Variants in CCDC88C observed in about 807,000 individuals in gnomAD.
CCDC88C encodes the protein protein Daple.
CCDC88C carries 131 observed loss-of-function variants against 198.8 expected under a neutral mutation model. The observed-to-expected ratio is 0.66, with a 90% CI of 0.57 to 0.76. CCDC88C has a LOEUF of 0.76. Among genes scored for constraint, CCDC88C ranks in the 30% least tolerant of loss-of-function variants. The pLI is 0.00. For missense variants in CCDC88C, 2,553 were observed against 2,631.6 expected, an observed-to-expected ratio of 0.97 and a Z score of 0.65; for synonymous variants, 1,166 against 1,114.7, an observed-to-expected ratio of 1.05 and a Z score of -0.92.
At chr14:91,283,966 G>A (rs1458585096) in intron 25 of CCDC88C, among the ~76,000 whole-genome samples, 1 of 152,214 alleles carries the variant, frequency 6.6e-6, no homozygotes, top group Non-Finnish European at 1.5e-5. Flanking sequence ...TCAAATAGAA[G>A]TTTATTGCTA....
intron 21 of CCDC88C, among the ~76,000 whole-genome samples, 180 bp from the exon 22 acceptor site, chr14:91,297,671 T>C (rs1006189419): frequency 2.6e-5 from 4 of 151,844 alleles, no homozygotes; most frequent in East Asian, 1.9e-4. Flanking sequence ...TGGACAAAAC[T>C]GTCCATCAGC....
chr14:91,345,338 G>A (rs943990163), intron 4 of CCDC88C, among the ~76,000 whole-genome samples: 1 of 151,266 alleles, frequency 6.6e-6, no homozygotes, highest in Non-Finnish European at 1.5e-5. Context: ...GATTACAGGC[G>A]CTCGCCACCA....
rs553612495 is a variant in CCDC88C, at chr14:91,369,892, C to T, written c.271-10181G>A. 9.2e-5 allele frequency among the ~76,000 whole-genome samples: 14 copies of T among 152,316 alleles called. No individual in the cohort carries two copies. The South Asian group carries it at 1.2e-3, about 14-fold the overall frequency. The stretch of plus-strand genomic sequence containing the variant: ...CCCCTAACAAGGCCACCCGTGTCTC[C>T]GTACCCAGGGACCAACTCGGCCCGG... On this transcript the variant is annotated intron_variant, in intron 3 of 29. Coordinates refer to ENST00000389857, the MANE Select transcript of CCDC88C (RefSeq NM_001080414.4).
chr14:91,279,438 G>C, intron 27 of CCDC88C, 132 bp from the exon 28 acceptor site: 1 of 682,142 alleles, frequency 1.5e-6, no homozygotes, highest in Non-Finnish European at 2.4e-6. Context: ...GGAAGGAGGA[G>C]CTCTGGGACT....
In CCDC88C at chr14:91,314,130, T is replaced by C; in HGVS notation, c.1686A>G (p.Glu562=). 1 of 1,611,742 alleles carries C rather than the reference T, an allele frequency of 6.2e-7. No homozygotes were observed. ...KARQIKDLEQ[E]KDHLNRAMWS... ...ACATGGCTCGGTTGAGGTGGTCCTT[T>C]TCCTGCTCAAGGTCCTTGATCTACG... The change falls in exon 15 of 30, where the codon GAA becomes GAG. Residue 562 remains glutamate, a synonymous_variant. Coordinates refer to ENST00000389857, the MANE Select transcript of CCDC88C (RefSeq NM_001080414.4).
At position 91,293,306 on chromosome 14, in the gene CCDC88C, GCCCAC is replaced by G. The variant is rs1567054906; in HGVS notation, c.4112+862_4112+866del. On this transcript the variant is annotated intron_variant, in intron 23 of 29. Transcript: ENST00000389857. ...CCTTCCTGTCCCCTCACCTGCCACG[GCCCAC>G]CTTCCCATCCTCACCTGCCAAAGCT... Among the ~76,000 whole-genome samples the G allele has an allele frequency of 1.1e-4, 8 of 69,802 alleles. 2 individuals carry two copies. Among genetic ancestry groups the G allele is most frequent in the Non-Finnish European group, 2.4e-4 (8 of 33,876 alleles). The allele number at this position is 69,802 out of a possible 152,430, so 45.8% of individuals were successfully genotyped here.
At chr14:91,364,625 G>A (rs915785380) in intron 3 of CCDC88C, among the ~76,000 whole-genome samples, 4 of 152,128 alleles carry the variant, frequency 2.6e-5, no homozygotes, top group African/African-American at 9.7e-5. Context: ...GGGGAGGGTT[G>A]GGGTGGGCCA....
At chr14:91,412,386 T>C (rs555121837) in intron 2 of CCDC88C, among the ~76,000 whole-genome samples, 1 of 152,250 alleles carries the variant, frequency 6.6e-6, no homozygotes, top group African/African-American at 2.4e-5. Flanking sequence ...TTTATTTTGC[T>C]CATCTGTATA....
At chr14:91,392,763 C>G (rs964979003) in intron 3 of CCDC88C, among the ~76,000 whole-genome samples, 1 of 151,230 alleles carries the variant, frequency 6.6e-6, no homozygotes, top group Non-Finnish European at 1.5e-5. Flanking sequence ...CTCACTCTCA[C>G]CGCGCCCCTC....
Position 91,277,938 on chromosome 14 carries a change from C to G in CCDC88C, c.5042G>C (p.Arg1681Pro). The G allele has an allele frequency of 2.6e-6, 4 of 1,512,538 alleles. No individual in the cohort carries two copies. Among genetic ancestry groups the G allele is most frequent in the Non-Finnish European group, 3.6e-6 (4 of 1,121,246 alleles). The allele number at this position is 1,512,538 out of a possible 1,614,324, so 93.7% of individuals were successfully genotyped here. A position where few individuals can be genotyped will look rare whatever the true frequency, so the allele number is the denominator to read the frequency against. The change falls in exon 29 of 30, where the codon CGC becomes CCC. Residue 1681 changes from arginine (R) to proline (P), a missense_variant. Around this residue, in one of 2 missense-constraint regions of CCDC88C, gnomAD observed 1,293 missense variants for 1,219.6 expected, o/e 1.06. Coordinates refer to ENST00000389857, the MANE Select transcript of CCDC88C (RefSeq NM_001080414.4). The part of the protein sequence containing the change: ...TLEEFLEESN[R>P]SSPTHDTPSC... ...ATCACTCACATGGGTGGGGGAGCTG[C>G]GGTTGCTCTCCTCCAGGAACTCCTC... is the stretch of plus-strand genomic sequence containing the variant.
chr14:91,375,594 T>C (rs1884357427), intron 3 of CCDC88C, among the ~76,000 whole-genome samples: 1 of 152,154 alleles, frequency 6.6e-6, no homozygotes, highest in South Asian at 2.1e-4. Flanking sequence ...CCAGCTGCTC[T>C]GGCTTCCCCG....
chr14:91,398,812 C>G (rs1885999058), intron 3 of CCDC88C, among the ~76,000 whole-genome samples: 3 of 152,194 alleles, frequency 2.0e-5, no homozygotes, highest in Admixed American at 6.5e-5. Flanking sequence ...GCCCTCTTGT[C>G]TGGCTGATCA....
In CCDC88C at chr14:91,351,074, C is replaced by T. The variant is rs1352202386; in HGVS notation, c.341-7417G>A. On this transcript the variant is annotated intron_variant, in intron 4 of 29. Transcript: ENST00000389857. ...GGTCCCACGCAGGTTGTTTAACCAG[C>T]GTTTGCTGACTGAGTGAGGTTAACT... Among the ~76,000 whole-genome samples the T allele has an allele frequency of 5.3e-5, 8 of 152,252 alleles. 1 individual carries two copies. Among genetic ancestry groups the T allele is most frequent in the Admixed American group, 5.2e-4 (8 of 15,294 alleles).
At chr14:91,389,084 T>G (rs924169637) in intron 3 of CCDC88C, among the ~76,000 whole-genome samples, 3 of 152,154 alleles carry the variant, frequency 2.0e-5, no homozygotes, top group Non-Finnish European at 4.4e-5. Flanking sequence ...GAAACTGAAG[T>G]ACACAGAGAC....
chr14:91,309,829 A>G (rs1891736367), intron 16 of CCDC88C, 30 bp downstream of exon 16: 2 of 1,592,646 alleles, frequency 1.3e-6, no homozygotes, highest in Non-Finnish European at 1.7e-6. Context: ...AAGTGCTCCC[A>G]CGATGGGGAG....
At chr14:91,348,693 GC>G (rs1480627204) in intron 4 of CCDC88C, among the ~76,000 whole-genome samples, 2 of 152,124 alleles carry the variant, frequency 1.3e-5, no homozygotes, top group African/African-American at 4.8e-5. Flanking sequence ...ATTCCTGTTT[GC>G]TAAGGTTTGT....
At chr14:91,417,173 G>A (rs2140028408) in intron 1 of CCDC88C, 1 of 703,024 alleles carries the variant, frequency 1.4e-6, no homozygotes, top group Non-Finnish European at 2.6e-6. Flanking sequence ...CAGTCTGTTC[G>A]CTTTCCCATT....
At chr14:91,318,659 G>A (rs1283791813) in intron 13 of CCDC88C, among the ~76,000 whole-genome samples, 2 of 152,104 alleles carry the variant, frequency 1.3e-5, no homozygotes, top group Admixed American at 6.5e-5. Flanking sequence ...CCTGCAGAGT[G>A]GCTGGGTGCA....
chr14:91,305,149 G>C (rs903884190), intron 19 of CCDC88C, among the ~76,000 whole-genome samples: 2 of 152,132 alleles, frequency 1.3e-5, no homozygotes, highest in Non-Finnish European at 2.9e-5. Context: ...AGTGAGCCGA[G>C]ATCGCACCAC....
Sources: allele counts gnomAD v4.1 joint callset (sites outside exome capture counted in the v4.1 genomes callset), GRCh38; gene constraint gnomAD v4.1.1; regional missense constraint gnomAD v4.1.1; transcripts MANE v1.5; gene names NCBI Gene and HGNC (gene_info 2026-07-23, HGNC 2026-07-21).